GLP2R: variants seen among roughly 807,000 people sequenced by gnomAD.
GLP2R encodes the protein glucagon-like peptide 2 receptor.
In GLP2R, 59 loss-of-function variants were observed where a neutral mutation model predicts 68.2. The ratio of observed to expected loss-of-function variants is 0.87; its 90% CI spans 0.70 to 1.07. The LOEUF is 1.07. Among genes scored for constraint, GLP2R ranks in the 50% least tolerant of loss-of-function variants. The probability of loss-of-function intolerance (pLI) is 0.00; values close to 1 mark genes in which losing one functional copy is unlikely to be tolerated. For missense variants in GLP2R, 548 were observed against 677.4 expected (o/e 0.81, Z 2.12); for synonymous variants, 270 against 265.4 (o/e 1.02, Z -0.17).
At chr17:9,831,214 G>C (rs973229093) in intron 1 of GLP2R, among the ~76,000 whole-genome samples, 2 of 152,198 alleles carry the variant, frequency 1.3e-5, no homozygotes, top group Non-Finnish European at 2.9e-5. Context: ...TGTGAGAAGA[G>C]AGAAAACCTT....
At chr17:9,882,946 T>A (rs2067209875) in intron 11 of GLP2R, among the ~76,000 whole-genome samples, 1 of 133,736 alleles carries the variant, frequency 7.5e-6, no homozygotes, top group African/African-American at 2.9e-5. Flanking sequence ...TTTCCAAAAA[T>A]ATGAGATCTG....
At chr17:9,838,913 T>C (rs1196543133) in intron 3 of GLP2R, among the ~76,000 whole-genome samples, 1 of 152,180 alleles carries the variant, frequency 6.6e-6, no homozygotes, top group African/African-American at 2.4e-5. Context: ...CTCCGGAGGC[T>C]GAGGCAGGAG....
At chr17:9,832,077 C>T (rs1468887102) in intron 1 of GLP2R, among the ~76,000 whole-genome samples, 1 of 152,174 alleles carries the variant, frequency 6.6e-6, no homozygotes, top group Admixed American at 6.5e-5. Flanking sequence ...CTCTTTAATT[C>T]CTCCTTAACA....
intron 3 of GLP2R, among the ~76,000 whole-genome samples, chr17:9,840,946 G>A (rs888413616): frequency 1.3e-5 from 2 of 151,946 alleles, no homozygotes; most frequent in African/African-American, 2.4e-5. Flanking sequence ...AGGGGGCTTC[G>A]TGAAAGGCCA....
chr17:9,833,240 GTAACAGATTAAGACTC>G (rs2152030045), intron 1 of GLP2R, among the ~76,000 whole-genome samples: 1 of 151,732 alleles, frequency 6.6e-6, no homozygotes, highest in Non-Finnish European at 1.5e-5. Flanking sequence ...CTCCAGCCTG[GTAACAGATTAAGACTC>G]TGTCTTAAAA....
At chr17:9,832,711 A>G (rs2152029856) in intron 1 of GLP2R, among the ~76,000 whole-genome samples, 1 of 142,882 alleles carries the variant, frequency 7.0e-6, no homozygotes, top group Middle Eastern at 3.6e-3. Context: ...AGCCTGGGCA[A>G]CAGAGTGAGG....
rs536780700 is a variant in GLP2R at position 9,868,213 on chromosome 17, C to T, written c.1057-2534C>T. On this transcript the variant is annotated intron_variant, in intron 9 of 12. Transcript: ENST00000262441. ...GGGTTGTGTGCCTTTCAGCAGGGCT[C>T]TTGGGGAAAGAGTGTTTTGACTCAC... Among the ~76,000 whole-genome samples, 5 of 152,292 alleles carry T rather than the reference C, an allele frequency of 3.3e-5. No individual in the cohort carries two copies. The South Asian group carries it at 8.3e-4, about 25-fold the overall frequency.
intron 9 of GLP2R, among the ~76,000 whole-genome samples, chr17:9,865,305 C>T (rs1204122284): frequency 1.6e-5 from 2 of 128,560 alleles, no homozygotes; most frequent in African/African-American, 7.1e-5. Flanking sequence ...TCTTTAGCCC[C>T]TTGTGATTTT....
intron 4 of GLP2R, among the ~76,000 whole-genome samples, chr17:9,847,476 G>A (rs2066851056): frequency 6.6e-6 from 1 of 152,008 alleles, no homozygotes; most frequent in Non-Finnish European, 1.5e-5. Context: ...CACCATGTTG[G>A]CCAGGCTGGT....
rs1018857980 is a variant in GLP2R, at chr17:9,833,891, T to C, written c.274T>C (p.Ser92Pro). The C allele has an allele frequency of 2.5e-6, 4 of 1,600,924 alleles. No individual in the cohort carries two copies. In the African/African-American group the frequency reaches 5.4e-5, roughly 21 times the overall value. The change falls in exon 2 of 13, where the codon TCT (serine) becomes CCT (proline). Residue 92 changes from serine to proline, a missense_variant. Transcript: ENST00000262441. Reference protein sequence around the residue: ...ACLRDLLKEPSGIFCNGTFDQ... With the variant: ...ACLRDLLKEPPGIFCNGTFDQ... ...TCTGAGAGACTTACTCAAGGAACCTTCTGGTAAGCATGTGTATTAGTTATC... is the reference window on the plus strand; with the variant it reads ...TCTGAGAGACTTACTCAAGGAACCTCCTGGTAAGCATGTGTATTAGTTATC...
intron 1 of GLP2R, among the ~76,000 whole-genome samples, chr17:9,832,177 C>A (rs2066686119): frequency 6.6e-6 from 1 of 152,130 alleles, no homozygotes; most frequent in African/African-American, 2.4e-5. Context: ...GTGGCTCATG[C>A]CTGTAATCCT....
intron 11 of GLP2R, among the ~76,000 whole-genome samples, chr17:9,887,654 T>G (rs1269906861): frequency 6.6e-6 from 1 of 152,216 alleles, no homozygotes; most frequent in African/African-American, 2.4e-5. Context: ...TTAATCATCA[T>G]TGACCCATGT....
chr17:9,841,018 A>ATT (rs10624268), intron 3 of GLP2R, among the ~76,000 whole-genome samples: 36,800 of 138,842 alleles, frequency 0.27, 6,103 homozygotes, highest in Non-Finnish European at 0.37. Context: ...GGTGTGGCTA[A>ATT]TTTTTTTTTT....
chr17:9,877,032 T>G (rs1008393028), intron 10 of GLP2R, among the ~76,000 whole-genome samples: 2 of 152,212 alleles, frequency 1.3e-5, no homozygotes, highest in African/African-American at 4.8e-5. Flanking sequence ...AGAGAGAGGT[T>G]AAATAATTTG....
At chr17:9,888,417 A>G (rs1276268678) in intron 12 of GLP2R, among the ~76,000 whole-genome samples, 2 of 152,222 alleles carry the variant, frequency 1.3e-5, no homozygotes, top group East Asian at 3.8e-4. Flanking sequence ...TGCTGAGCAC[A>G]TAGCAAATAA....
intron 11 of GLP2R, among the ~76,000 whole-genome samples, chr17:9,885,718 C>A (rs907314130): frequency 1.3e-5 from 2 of 148,238 alleles, no homozygotes; most frequent in African/African-American, 5.0e-5. Flanking sequence ...CCCAGAATGT[C>A]ACTTTTACGA....
Position 9,889,644 on chromosome 17 carries a change from G to A in GLP2R, c.1601G>A (p.Ser534Asn). The change falls in exon 13 of 13, where the codon AGT becomes AAT. Residue 534 changes from serine to asparagine, a missense_variant. Coordinates refer to ENST00000262441, the MANE Select transcript of GLP2R (RefSeq NM_004246.3). Reference protein sequence around the residue: ...WPRGSSLSECSEGDVTMANTM... With the variant: ...WPRGSSLSECNEGDVTMANTM... ...CGGGGCAGCAGCCTGTCCGAGTGCAGTGAGGGGGATGTCACCATGGCCAAC... is the reference window on the plus strand; with the variant it reads ...CGGGGCAGCAGCCTGTCCGAGTGCAATGAGGGGGATGTCACCATGGCCAAC... 1 of 1,610,904 alleles carries A rather than the reference G, an allele frequency of 6.2e-7. No individual in the cohort carries two copies. The highest frequency in any genetic ancestry group is 8.5e-7 in the Non-Finnish European group (1 of 1,177,836).
chr17:9,857,474 C>A lies in GLP2R; in HGVS notation c.663C>A (p.Phe221Leu), dbSNP rs756662981. Residue 221 changes from phenylalanine (F) to leucine (L), a missense_variant, in exon 6 of 13, where the codon TTC becomes TTA. Coordinates refer to ENST00000262441, the MANE Select transcript of GLP2R (RefSeq NM_004246.3). ...NYIHMNLFAS[F>L]ILRTLAVLVK... ...TCCACATGAACTTGTTTGCTTCTTT[C>A]ATCCTGAGAACCCTGGCTGTACTGG... 3.1e-6 allele frequency: 5 copies of A among 1,614,204 alleles called. No individual in the cohort carries two copies. Among genetic ancestry groups the A allele is most frequent in the Admixed American group, 1.7e-5 (1 of 60,018 alleles).
chr17:9,859,533 C>T (rs1210908047), intron 6 of GLP2R, among the ~76,000 whole-genome samples: 1 of 151,758 alleles, frequency 6.6e-6, no homozygotes, highest in East Asian at 1.9e-4. Flanking sequence ...TGGCTAACAC[C>T]TGCAATCCCA....
Sources: allele counts gnomAD v4.1 joint callset (sites outside exome capture counted in the v4.1 genomes callset), GRCh38; gene constraint gnomAD v4.1.1; transcripts MANE v1.5; gene names NCBI Gene and HGNC (gene_info 2026-07-23, HGNC 2026-07-21).